Variants in IDE observed in about 807,000 individuals in gnomAD.
The protein encoded by IDE is insulin-degrading enzyme.
Under a neutral mutation model 133.2 loss-of-function variants are expected in IDE, and 58 were observed. The observed-to-expected ratio is 0.44, with a 90% CI of 0.35 to 0.54. The LOEUF is 0.54. Ranked by LOEUF, IDE falls within the 20% of genes least tolerant of loss-of-function variation. The pLI, the probability that IDE is intolerant of heterozygous loss-of-function variation, is 0.00. For synonymous variants in IDE, 396 were observed against 421.3 expected (o/e 0.94, Z 0.73); for missense variants, 981 against 1,234.0 (o/e 0.79, Z 3.07).
intron 1 of IDE, among the ~76,000 whole-genome samples, chr10:92,552,150 C>T (rs1056860249): frequency 4.6e-5 from 7 of 152,098 alleles, no homozygotes; most frequent in African/African-American, 1.7e-4. Context: ...AAGAACTTAA[C>T]TATGGAAAGC....
rs771091181 is a variant in IDE, at chr10:92,537,544, T to G, written c.105A>C (p.Gln35His). Reference sequence around the variant, plus strand: ...TATTCATTTTGCTGTAAGTCTTTTTTTGGAAACTGAAAAGAAAGAGATTTT... The same window carrying G: ...TATTCATTTTGCTGTAAGTCTTTTTGTGGAAACTGAAAAGAAAGAGATTTT... ...LPPPERLCGF[Q>H]KKTYSKMNNP... The change falls in exon 2 of 25, where the codon CAA becomes CAC. Residue 35 changes from glutamine to histidine, a missense_variant. Coordinates refer to ENST00000265986, the MANE Select transcript of IDE (RefSeq NM_004969.4). 6.3e-6 allele frequency: 10 copies of G among 1,588,800 alleles called. No individual in the cohort carries two copies. The highest frequency in any genetic ancestry group is 1.7e-4 in the Middle Eastern group (1 of 5,970).
chr10:92,571,535 G>A (rs1411777688), intron 1 of IDE, among the ~76,000 whole-genome samples: 2 of 152,170 alleles, frequency 1.3e-5, no homozygotes, highest in Non-Finnish European at 2.9e-5. Context: ...TGATGCCCAG[G>A]TGGCTCAAGT....
chr10:92,472,982 G>A (rs1477620338), intron 17 of IDE, among the ~76,000 whole-genome samples: 6 of 113,756 alleles, frequency 5.3e-5, no homozygotes, highest in South Asian at 2.8e-4. Flanking sequence ...TCACTCTGTC[G>A]CCCAGGCTGG....
intron 1 of IDE, among the ~76,000 whole-genome samples, chr10:92,566,664 A>C (rs114338728): frequency 6.9e-6 from 1 of 145,694 alleles, no homozygotes; most frequent in Non-Finnish European, 1.5e-5. Flanking sequence ...GGTACCAAAG[A>C]AAAAAAAAAA....
Position 92,531,786 on chromosome 10 carries a change from G to A in IDE, c.623C>T (p.Thr208Ile). Residue 208 changes from threonine to isoleucine, a missense_variant, in exon 4 of 25, where the codon ACA becomes ATA. By Grantham distance (89) the Thr-to-Ile change is moderately conservative. Transcript: ENST00000265986. ...ACTGAAGGGGTGTTTAGGATTCCCT[G>A]TAGCTTTTTCCAATTGAAAGAGTCT... ...AWRLFQLEKA[T>I]GNPKHPFSKF... 1 of 1,604,650 alleles carries A rather than the reference G, an allele frequency of 6.2e-7. No homozygotes were observed. Among genetic ancestry groups the A allele is most frequent in the Non-Finnish European group, 8.5e-7 (1 of 1,174,338 alleles).
chr10:92,501,885 G>C lies in IDE; in HGVS notation c.1430+2909C>G, dbSNP rs146356996. Among the ~76,000 whole-genome samples the C allele has an allele frequency of 9.9e-5, 15 of 152,210 alleles. No individual in the cohort carries two copies. The East Asian group carries it at 2.1e-3, about 22-fold the overall frequency. ...AGCTACTCAGGAGGCTGAGGTAAGA[G>C]AATTGCTTGAACCTGGGAGGCGGAG... On this transcript the variant is annotated intron_variant, in intron 11 of 24. Coordinates refer to ENST00000265986, the MANE Select transcript of IDE (RefSeq NM_004969.4).
intron 5 of IDE, among the ~76,000 whole-genome samples, chr10:92,513,996 T>C (rs1206413313): frequency 6.6e-6 from 1 of 152,200 alleles, no homozygotes; most frequent in Non-Finnish European, 1.5e-5. Flanking sequence ...GATATTCTAT[T>C]TGCAATTATA....
intron 4 of IDE, among the ~76,000 whole-genome samples, chr10:92,516,449 G>C (rs1470762108): frequency 5.3e-5 from 8 of 152,124 alleles, no homozygotes; most frequent in African/African-American, 1.9e-4. Context: ...AGCCAAGATT[G>C]TACCACTGCA....
chr10:92,527,947 C>T (rs1314782813), intron 4 of IDE, among the ~76,000 whole-genome samples: 3 of 152,252 alleles, frequency 2.0e-5, no homozygotes, highest in Admixed American at 6.5e-5. Context: ...ACCTGGGAGG[C>T]GGAGGTGGCA....
chr10:92,470,367 T>C, intron 17 of IDE, 22 bp from the exon 18 acceptor site: 2 of 1,483,780 alleles, frequency 1.3e-6, no homozygotes, highest in Admixed American at 1.9e-5. Flanking sequence ...TAAGAAGACA[T>C]AGTGAGCGCT....
intron 11 of IDE, among the ~76,000 whole-genome samples, chr10:92,499,822 C>T (rs1027186271): frequency 2.0e-5 from 3 of 152,094 alleles, no homozygotes; most frequent in Non-Finnish European, 4.4e-5. Context: ...TCTATTTTTT[C>T]TGGAAGTTTT....
chr10:92,499,557 T>C (rs1283064986), intron 11 of IDE, among the ~76,000 whole-genome samples: 2 of 152,052 alleles, frequency 1.3e-5, no homozygotes, highest in Non-Finnish European at 2.9e-5. Context: ...CTCAGCCTCC[T>C]GAGTAGCTGG....
At chr10:92,506,573 C>CTTT in intron 9 of IDE, 51 bp from the exon 10 acceptor site, 37 of 683,402 alleles carry the variant, frequency 5.4e-5, no homozygotes, top group South Asian at 9.5e-5. Flanking sequence ...ATTTAGAAAC[C>CTTT]TTTTTTTTTT....
chr10:92,475,397 G>A (rs879613959), intron 16 of IDE, among the ~76,000 whole-genome samples: 4 of 152,184 alleles, frequency 2.6e-5, no homozygotes, highest in Non-Finnish European at 4.4e-5. Context: ...TACAAGGAAA[G>A]GTCATAGTTT....
chr10:92,497,083 G>A (rs755866216), intron 11 of IDE, among the ~76,000 whole-genome samples: 3 of 152,182 alleles, frequency 2.0e-5, no homozygotes, highest in Non-Finnish European at 4.4e-5. Context: ...GAAAACCGTC[G>A]TTATCACTAG....
intron 4 of IDE, among the ~76,000 whole-genome samples, chr10:92,524,597 G>C (rs1490452429): frequency 7.8e-6 from 1 of 127,654 alleles, no homozygotes; most frequent in African/African-American, 3.0e-5. Context: ...GATCAAGTGG[G>C]ATTCATCTCA....
chr10:92,480,798 T>G (rs1846557569), intron 14 of IDE: 1 of 187,602 alleles, frequency 5.3e-6, no homozygotes, highest in Non-Finnish European at 1.0e-5. Context: ...CTCACTGTGT[T>G]GTCCAGGCTG....
intron 3 of IDE, among the ~76,000 whole-genome samples, chr10:92,532,200 T>C (rs1051397497): frequency 2.7e-5 from 4 of 149,658 alleles, no homozygotes; most frequent in African/African-American, 7.4e-5. Flanking sequence ...TTATGGACAA[T>C]AGCAGTCTAT....
chr10:92,549,177 G>GA (rs1381044298), intron 1 of IDE, among the ~76,000 whole-genome samples: 2 of 151,966 alleles, frequency 1.3e-5, no homozygotes, highest in Non-Finnish European at 2.9e-5. Flanking sequence ...AGAATCAGTT[G>GA]AATCTGGGAG....
Sources: gnomAD v4.1 joint callset for allele counts (sites outside exome capture counted in the v4.1 genomes callset) on GRCh38, gnomAD v4.1.1 for gene constraint, MANE v1.5 for transcripts, NCBI Gene and HGNC (gene_info 2026-07-23, HGNC 2026-07-21) for gene names.